FOXP2: variants seen among roughly 807,000 people sequenced by gnomAD.
FOXP2 encodes the protein forkhead box protein P2.
Under a neutral mutation model 115.8 loss-of-function variants are expected in FOXP2, and 12 were observed. The ratio of observed to expected loss-of-function variants is 0.10; its 90% CI spans 0.07 to 0.17. The LOEUF (loss-of-function observed/expected upper bound fraction) is 0.17. FOXP2 is among the 10% of genes least tolerant of loss of function. The pLI, the probability that FOXP2 is intolerant of heterozygous loss-of-function variation, is 1.00. For missense variants in FOXP2, 629 were observed against 843.5 expected (o/e 0.75, Z 3.15); for synonymous variants, 328 against 297.7 (o/e 1.10, Z -1.05).
chr7:114,469,048 C>A (rs1795931239), intron 2 of FOXP2, among the ~76,000 whole-genome samples: 1 of 152,114 alleles, frequency 6.6e-6, no homozygotes, highest in African/African-American at 2.4e-5. Flanking sequence ...TACAGCTCCT[C>A]CCTTTGGCAC....
chr7:114,683,916 C>CT lies in FOXP2; in HGVS notation c.2004-5866_2004-5865insT, dbSNP rs3028484. On this transcript the variant is annotated intron_variant, in intron 16 of 16. Transcript: ENST00000350908. ...TTTTGGCTTAATCCTCTTTCAACCCCGTGTCTCAGTTCAGACATATTTTTA... is the reference window on the plus strand; with the variant it reads ...TTTTGGCTTAATCCTCTTTCAACCCCTGTGTCTCAGTTCAGACATATTTTTA... Among the ~76,000 whole-genome samples the CT allele has an allele frequency of 6.6e-5, 10 of 152,238 alleles. No individual in the cohort carries two copies. In the South Asian group the frequency reaches 1.2e-3, roughly 19 times the overall value.
intron 7 of FOXP2, among the ~76,000 whole-genome samples, 156 bp downstream of exon 7, chr7:114,642,779 A>ATAATATATATATAT (rs1491273950): frequency 1.1e-5 from 1 of 91,174 alleles, no homozygotes; most frequent in African/African-American, 4.9e-5. Flanking sequence ...TTTTATATAT[A>ATAATATATATATAT]ATATATATAT....
intron 2 of FOXP2, among the ~76,000 whole-genome samples, chr7:114,335,065 G>T (rs1797817996): frequency 6.7e-6 from 1 of 150,336 alleles, no homozygotes; most frequent in African/African-American, 2.4e-5. Context: ...AAAATACTGG[G>T]TGATGAGTTA....
At chr7:114,248,422 A>G (rs777844088) in intron 1 of FOXP2, among the ~76,000 whole-genome samples, 6 of 152,186 alleles carry the variant, frequency 3.9e-5, no homozygotes, top group Non-Finnish European at 5.9e-5. Flanking sequence ...TCAAGTTGAC[A>G]CTTAGAAAAA....
At chr7:114,313,841 A>G (rs1489205743) in intron 2 of FOXP2, among the ~76,000 whole-genome samples, 1 of 152,170 alleles carries the variant, frequency 6.6e-6, no homozygotes, top group African/African-American at 2.4e-5. Context: ...ATATAATTCT[A>G]ACACATATCA....
In FOXP2 at chr7:114,184,591, C is replaced by T. The variant is rs551440979; in HGVS notation, c.-102+21503C>T. ...CAGGGTTACTGGAAGGAAGGTAGCT[C>T]AGGGTGAGGTTCGCCTTCAGCATTT... On this transcript the variant is annotated intron_variant, in intron 1 of 17. Transcript: ENST00000634411. Among the ~76,000 whole-genome samples, 7 of 152,166 alleles carry T rather than the reference C, an allele frequency of 4.6e-5. No homozygotes were observed. In the East Asian group the frequency reaches 1.4e-3, roughly 29 times the overall value.
At chr7:114,090,599 G>A in intron 1 of FOXP2, among the ~76,000 whole-genome samples, 1 of 151,676 alleles carries the variant, frequency 6.6e-6, no homozygotes. Context: ...TAATCCCTGT[G>A]CTTGAAACTT....
At chr7:114,390,385 CTTGAG>C (rs969175626) in intron 2 of FOXP2, among the ~76,000 whole-genome samples, 10 of 152,010 alleles carry the variant, frequency 6.6e-5, no homozygotes, top group African/African-American at 2.4e-4. Context: ...TTACTGAAGA[CTTGAG>C]TTGAGAGTAT....
chr7:114,519,487 T>TCCCAG (rs1473009306), intron 2 of FOXP2, among the ~76,000 whole-genome samples: 1 of 152,080 alleles, frequency 6.6e-6, no homozygotes, highest in Non-Finnish European at 1.5e-5. Context: ...GCAGTAGAAA[T>TCCCAG]CCCAGGGGAC....
chr7:114,678,494 T>TAA (rs58574966), intron 16 of FOXP2, among the ~76,000 whole-genome samples: 7 of 145,932 alleles, frequency 4.8e-5, no homozygotes, highest in African/African-American at 1.5e-4. Context: ...TACCTACTTT[T>TAA]AAAAAGCCCT....
At chr7:114,328,260 A>G (rs1223823525) in intron 2 of FOXP2, among the ~76,000 whole-genome samples, 1 of 137,344 alleles carries the variant, frequency 7.3e-6, no homozygotes, top group African/African-American at 2.8e-5. Context: ...TTTTTGAGAC[A>G]GAGTCTTGCT....
chr7:114,243,314 G>A (rs772326973), intron 1 of FOXP2, among the ~76,000 whole-genome samples: 12 of 151,310 alleles, frequency 7.9e-5, no homozygotes, highest in Middle Eastern at 3.2e-3. Context: ...GGGAAAGAGA[G>A]GTATAATAAA....
intron 13 of FOXP2, among the ~76,000 whole-genome samples, chr7:114,659,962 G>A (rs552674069): frequency 2.6e-5 from 4 of 152,192 alleles, no homozygotes; most frequent in East Asian, 1.9e-4. Flanking sequence ...TTTGTTAGTC[G>A]CACGATATTA....
At chr7:114,353,105 C>A (rs181384062) in intron 2 of FOXP2, among the ~76,000 whole-genome samples, 1 of 152,198 alleles carries the variant, frequency 6.6e-6, no homozygotes, top group East Asian at 1.9e-4. Flanking sequence ...ATAAGACAAT[C>A]CTTTAGCCCC....
At chr7:114,529,781 C>A (rs994426249) in intron 2 of FOXP2, among the ~76,000 whole-genome samples, 1 of 151,660 alleles carries the variant, frequency 6.6e-6, no homozygotes, top group Non-Finnish European at 1.5e-5. Context: ...GATTAATTTT[C>A]TTCTATTAAA....
At chr7:114,160,582 A>T (rs1792801152), upstream of FOXP2, among the ~76,000 whole-genome samples, 1 of 152,174 alleles carries the variant, frequency 6.6e-6, no homozygotes. Context: ...GTTGTTAATG[A>T]CTACCAGCAT....
intron 2 of FOXP2, among the ~76,000 whole-genome samples, chr7:114,404,554 T>C (rs1792985340): frequency 1.3e-5 from 2 of 152,080 alleles, no homozygotes; most frequent in Admixed American, 1.3e-4. Flanking sequence ...AAATGAAGCA[T>C]ATAAATTGCC....
chr7:114,655,213 T>G (rs1806514370), intron 10 of FOXP2, among the ~76,000 whole-genome samples: 1 of 152,158 alleles, frequency 6.6e-6, no homozygotes, highest in African/African-American at 2.4e-5. Context: ...TATAGTATAA[T>G]GTAGATAATC....
intron 2 of FOXP2, among the ~76,000 whole-genome samples, chr7:114,319,085 T>G (rs923411497): frequency 6.7e-6 from 1 of 149,964 alleles, no homozygotes; most frequent in Admixed American, 6.8e-5. Flanking sequence ...CATTAGTGTT[T>G]AGTGGACCTT....
Sources: gnomAD v4.1 joint callset for allele counts (sites outside exome capture counted in the v4.1 genomes callset) on GRCh38, gnomAD v4.1.1 for gene constraint, MANE v1.5 for transcripts, NCBI Gene and HGNC (gene_info 2026-07-23, HGNC 2026-07-21) for gene names.